Variants in SDK1 observed in about 807,000 individuals in gnomAD.
SDK1 encodes sidekick cell adhesion molecule 1.
Under a neutral mutation model 245.5 loss-of-function variants are expected in SDK1, and 157 were observed. The ratio of observed to expected loss-of-function variants is 0.64; its 90% CI spans 0.56 to 0.73. The LOEUF is 0.73. SDK1 is among the 30% of genes least tolerant of loss of function. SDK1 has a pLI of 0.00. For synonymous variants in SDK1, 1,647 were observed against 1,278.5 expected, an observed-to-expected ratio of 1.29 and a Z score of -6.15; for missense variants, 3,583 against 3,002.3, an observed-to-expected ratio of 1.19 and a Z score of -4.52.
At chr7:4,148,939 CCAGCTACT>C (rs1367174920) in intron 29 of SDK1, among the ~76,000 whole-genome samples, 1 of 152,102 alleles carries the variant, frequency 6.6e-6, no homozygotes, top group East Asian at 1.9e-4. Context: ...ACCTGTAGTC[CCAGCTACT>C]CAGGAAGCTG....
intron 4 of SDK1, among the ~76,000 whole-genome samples, chr7:3,655,658 A>G (rs915335809): frequency 1.3e-5 from 2 of 151,600 alleles, no homozygotes; most frequent in Non-Finnish European, 2.9e-5. Context: ...CCAGCAACTT[A>G]AAACAGCACC....
Position 4,041,978 on chromosome 7 carries a change from T to C in SDK1, c.2603-7370T>C, listed in dbSNP as rs1156655320. Among the ~76,000 whole-genome samples, 2 of 135,122 alleles carry C rather than the reference T, an allele frequency of 1.5e-5. 1 individual carries two copies. The highest frequency in any genetic ancestry group is 6.9e-5 in the African/African-American group (2 of 29,070). 88.6% of individuals were successfully genotyped at this position (135,122 alleles called of 152,430 possible). A position where few individuals can be genotyped will look rare whatever the true frequency, so the allele number is the denominator to read the frequency against. On this transcript the variant is annotated intron_variant, in intron 17 of 44. Coordinates refer to ENST00000404826, the MANE Select transcript of SDK1 (RefSeq NM_152744.4). ...ACAGGCCCGCGCCACCACGCCCAGC[T>C]AATTTTTGTGTTTTTAGTAGAGGTG... is the stretch of plus-strand genomic sequence containing the variant.
chr7:3,661,634 G>A (rs1027639416), intron 4 of SDK1, among the ~76,000 whole-genome samples: 3 of 152,166 alleles, frequency 2.0e-5, no homozygotes, highest in African/African-American at 7.2e-5. Context: ...TTCTTAGTGT[G>A]AAATGCCCTC....
At chr7:4,192,403 G>A (rs1321632229) in intron 35 of SDK1, among the ~76,000 whole-genome samples, 1 of 152,162 alleles carries the variant, frequency 6.6e-6, no homozygotes, top group Non-Finnish European at 1.5e-5. Context: ...AGCCTCCCAA[G>A]TAGCTGGGAC....
At chr7:3,994,194 T>C (rs1421987615) in intron 14 of SDK1, among the ~76,000 whole-genome samples, 2 of 152,190 alleles carry the variant, frequency 1.3e-5, no homozygotes, top group Admixed American at 6.5e-5. Flanking sequence ...GTCCCTCATG[T>C]GTATTTCTAA....
chr7:3,872,578 A>AT lies in SDK1; in HGVS notation c.847+50996dup, dbSNP rs1357424000. 3.9e-3 allele frequency among the ~76,000 whole-genome samples: 438 copies of AT among 112,992 alleles called. 5 individuals carry two copies. The highest frequency in any genetic ancestry group is 0.015 in the African/African-American group (413 of 27,766). 74.1% of individuals were successfully genotyped at this position (112,992 alleles called of 152,430 possible). On this transcript the variant is annotated intron_variant, in intron 5 of 44. Transcript: ENST00000404826. The stretch of plus-strand genomic sequence containing the variant: ...TTATGGTCATAGGATTGTTTTTGGT[A>AT]TCTTTTTTTTTTTTTTTACATATGT...
At chr7:3,669,861 T>A (rs1256718460) in intron 4 of SDK1, among the ~76,000 whole-genome samples, 1 of 152,200 alleles carries the variant, frequency 6.6e-6, no homozygotes, top group East Asian at 1.9e-4. Context: ...AACAGAACTC[T>A]TTTTTCTTCA....
chr7:4,151,866 T>G (rs1780403808), intron 30 of SDK1, among the ~76,000 whole-genome samples: 1 of 152,046 alleles, frequency 6.6e-6, no homozygotes, highest in Non-Finnish European at 1.5e-5. Context: ...TTTCCTGAGG[T>G]TTTTGTAGTT....
At chr7:3,988,653 C>G (rs1381502775) in intron 14 of SDK1, among the ~76,000 whole-genome samples, 2 of 152,182 alleles carry the variant, frequency 1.3e-5, no homozygotes, top group Non-Finnish European at 2.9e-5. Flanking sequence ...AATATCTCAT[C>G]TCATGGCATG....
At chr7:3,798,509 A>ACG (rs1779024432) in intron 4 of SDK1, among the ~76,000 whole-genome samples, 1 of 151,974 alleles carries the variant, frequency 6.6e-6, no homozygotes, top group African/African-American at 2.4e-5. Context: ...GAACCACTGC[A>ACG]CCCAGCCAAA....
At position 3,763,721 on chromosome 7, in the gene SDK1, G is replaced by T. The variant is rs555308517; in HGVS notation, c.714-57729G>T. 1.4e-4 allele frequency among the ~76,000 whole-genome samples: 22 copies of T among 152,174 alleles called. No homozygotes were observed. In the South Asian group the frequency reaches 4.4e-3, roughly 30 times the overall value. On this transcript the variant is annotated intron_variant, in intron 4 of 44. Coordinates refer to ENST00000404826, the MANE Select transcript of SDK1 (RefSeq NM_152744.4). ...GAATAACAGTTACCTTTTTAGGGGT[G>T]GTGGTAAGAATGCAAATATTTTATA...
chr7:3,377,093 T>A lies in SDK1; in HGVS notation c.298+75209T>A, dbSNP rs1781373981. ...GGCAATTACTTTTGCAAAACTAATT[T>A]CTGATAAATTTTTTCTTTTAGGATT... On this transcript the variant is annotated intron_variant, in intron 1 of 44. Coordinates refer to ENST00000404826, the MANE Select transcript of SDK1 (RefSeq NM_152744.4). 2.0e-5 allele frequency among the ~76,000 whole-genome samples: 3 copies of A among 152,222 alleles called. No homozygotes were observed. In the South Asian group the frequency reaches 6.2e-4, roughly 32 times the overall value.
intron 22 of SDK1, among the ~76,000 whole-genome samples, chr7:4,100,285 G>C (rs573299071): frequency 6.1e-4 from 93 of 152,306 alleles, no homozygotes; most frequent in African/African-American, 2.0e-3. Context: ...TAGGGCAGGG[G>C]CCATGGGGGG....
At chr7:4,224,361 C>T (rs75640615) in intron 40 of SDK1, among the ~76,000 whole-genome samples, 8,906 of 152,318 alleles carry the variant, frequency 0.058, 332 homozygotes, top group South Asian at 0.1. Flanking sequence ...GGAGCCGGCA[C>T]GCCACATGGC....
chr7:3,640,773 T>C (rs977613422), intron 3 of SDK1, among the ~76,000 whole-genome samples: 2 of 151,948 alleles, frequency 1.3e-5, no homozygotes, highest in Non-Finnish European at 2.9e-5. Flanking sequence ...AACCTCCGCC[T>C]CCTAGGTTCA....
At chr7:4,181,209 G>A (rs1024284072) in intron 35 of SDK1, among the ~76,000 whole-genome samples, 11 of 152,230 alleles carry the variant, frequency 7.2e-5, no homozygotes, top group Non-Finnish European at 1.5e-4. Flanking sequence ...GTCTTCCTGT[G>A]TCCAGATCCT....
chr7:3,952,733 C>T (rs557998188), intron 7 of SDK1, among the ~76,000 whole-genome samples: 5 of 151,058 alleles, frequency 3.3e-5, no homozygotes, highest in Admixed American at 1.3e-4. Flanking sequence ...TCAAACTGGG[C>T]GACATATTAT....
chr7:3,507,951 T>G (rs1287104481), intron 1 of SDK1, among the ~76,000 whole-genome samples: 1 of 152,194 alleles, frequency 6.6e-6, no homozygotes, highest in African/African-American at 2.4e-5. Flanking sequence ...CTCACTTGAT[T>G]CCTGGTGGCA....
At chr7:3,485,683 G>GTTTTTTTTTTTTGTTTTTTTTTT (rs1781666507) in intron 1 of SDK1, among the ~76,000 whole-genome samples, 1 of 38,178 alleles carries the variant, frequency 2.6e-5, no homozygotes, top group Non-Finnish European at 4.5e-5. Context: ...TCTTTGGAGG[G>GTTTTTTTTTTTTGTTTTTTTTTT]TTTTTTTTTT....
Sources: gnomAD v4.1 joint callset for allele counts (sites outside exome capture counted in the v4.1 genomes callset) on GRCh38, gnomAD v4.1.1 for gene constraint, MANE v1.5 for transcripts, NCBI Gene and HGNC (gene_info 2026-07-23, HGNC 2026-07-21) for gene names.